Variants in RGS6 observed in about 807,000 individuals in gnomAD.
The protein encoded by RGS6 is regulator of G protein signaling 6.
RGS6 carries 30 observed loss-of-function variants against 78.5 expected under a neutral mutation model. The ratio of observed to expected loss-of-function variants is 0.38; its 90% CI spans 0.29 to 0.52. RGS6 has a LOEUF of 0.52. Ranked by LOEUF, RGS6 falls within the 20% of genes least tolerant of loss-of-function variation. RGS6 has a pLI of 0.85. For missense variants in RGS6, 495 were observed against 609.7 expected (o/e 0.81, Z 1.98); for synonymous variants, 206 against 206.0 (o/e 1.00, Z 0.00).
chr14:72,431,300 G>C (rs2094622939), intron 3 of RGS6, among the ~76,000 whole-genome samples: 2 of 152,168 alleles, frequency 1.3e-5, no homozygotes, highest in South Asian at 4.1e-4. Context: ...TCCTATACTT[G>C]ATGAGATAGG....
intron 1 of RGS6, among the ~76,000 whole-genome samples, chr14:71,950,233 C>T (rs714974): frequency 0.15 from 22,116 of 152,114 alleles, 1,750 homozygotes; most frequent in Non-Finnish European, 0.16. Flanking sequence ...AAAACAGACA[C>T]ATAGACCAAT....
intron 2 of RGS6, among the ~76,000 whole-genome samples, chr14:72,279,671 G>A (rs1203286475): frequency 6.6e-6 from 1 of 152,154 alleles, no homozygotes; most frequent in Admixed American, 6.5e-5. Flanking sequence ...ATCTAGAAAG[G>A]GATCTCTGTT....
rs559213994 is a variant in RGS6, at chr14:72,449,449, C to T, written c.185-5079C>T. On this transcript the variant is annotated intron_variant, in intron 3 of 17. Coordinates refer to ENST00000553525, the MANE Select transcript of RGS6 (RefSeq NM_001204424.2). Reference sequence around the variant, plus strand: ...GAGTGTTTTATACTAGGATCTCCTGCGGTTCTGATGCGTTAATGGGAGGAA... The same window carrying T: ...GAGTGTTTTATACTAGGATCTCCTGTGGTTCTGATGCGTTAATGGGAGGAA... Among the ~76,000 whole-genome samples the T allele has an allele frequency of 2.4e-4, 37 of 152,238 alleles. No homozygotes were observed. The South Asian group carries it at 7.1e-3, about 29-fold the overall frequency.
At chr14:72,465,217 C>T (rs937431713) in intron 6 of RGS6, among the ~76,000 whole-genome samples, 4 of 152,288 alleles carry the variant, frequency 2.6e-5, no homozygotes, top group African/African-American at 9.6e-5. Flanking sequence ...ATTTGCCATC[C>T]TAACGAGCCC....
At chr14:72,119,709 C>T (rs923375931) in intron 2 of RGS6, among the ~76,000 whole-genome samples, 6 of 152,114 alleles carry the variant, frequency 3.9e-5, no homozygotes, top group African/African-American at 1.4e-4. Context: ...GATGGACTGC[C>T]TTGGTTCTCA....
chr14:71,932,060 C>A (rs989735702), upstream of RGS6, among the ~76,000 whole-genome samples: 2 of 152,242 alleles, frequency 1.3e-5, no homozygotes, highest in Non-Finnish European at 2.9e-5. Context: ...CCTAAGAGAA[C>A]CTTGACGCCG....
intron 3 of RGS6, among the ~76,000 whole-genome samples, chr14:72,364,165 A>C (rs1444957012): frequency 6.6e-6 from 1 of 152,106 alleles, no homozygotes; most frequent in African/African-American, 2.4e-5. Flanking sequence ...GCTAGTGTCT[A>C]TTGTTTAGCA....
At chr14:71,916,917 A>T in the RGS6 span, among the ~76,000 whole-genome samples, 3 of 152,226 alleles carry the variant, frequency 2.0e-5, no homozygotes, top group African/African-American at 4.8e-5. Flanking sequence ...TTCCTAGGTG[A>T]GGACCATATG....
intron 2 of RGS6, among the ~76,000 whole-genome samples, chr14:71,968,396 G>A (rs1438554110): frequency 5.9e-5 from 9 of 152,164 alleles, no homozygotes; most frequent in African/African-American, 1.7e-4. Context: ...CATAGTATGT[G>A]TTGCAAAGTA....
At chr14:72,432,194 G>T (rs2094679109) in intron 3 of RGS6, among the ~76,000 whole-genome samples, 17 of 152,184 alleles carry the variant, frequency 1.1e-4, no homozygotes, top group Admixed American at 1.1e-3. Context: ...GGGTTATAAG[G>T]GACAGGAGTC....
intron 2 of RGS6, among the ~76,000 whole-genome samples, chr14:72,163,777 G>A (rs1169423779): frequency 3.3e-5 from 5 of 152,026 alleles, no homozygotes. Context: ...CAACTACTCA[G>A]GAGGCTGAGG....
chr14:72,271,874 C>G (rs773061984), intron 2 of RGS6, among the ~76,000 whole-genome samples: 1 of 151,108 alleles, frequency 6.6e-6, no homozygotes, highest in Non-Finnish European at 1.5e-5. Flanking sequence ...CCCTTCCCTT[C>G]TTCAAAGCCA....
At chr14:72,120,809 C>G (rs1020275672) in intron 2 of RGS6, among the ~76,000 whole-genome samples, 5 of 152,114 alleles carry the variant, frequency 3.3e-5, no homozygotes, top group Admixed American at 6.6e-5. Context: ...AGAACTGATT[C>G]AAAAGGAGCA....
the RGS6 span, among the ~76,000 whole-genome samples, chr14:71,871,971 G>A: frequency 6.6e-6 from 1 of 152,020 alleles, no homozygotes; most frequent in South Asian, 2.1e-4. Context: ...TGTGTATGGG[G>A]GTGGAGGGGG....
chr14:72,497,921 TG>T (rs1321547246), intron 13 of RGS6, among the ~76,000 whole-genome samples: 1 of 152,144 alleles, frequency 6.6e-6, no homozygotes, highest in Admixed American at 6.5e-5. Context: ...GCCTCTGGGA[TG>T]GAGTTGCTAC....
chr14:72,171,987 C>G (rs1266935225), intron 2 of RGS6, among the ~76,000 whole-genome samples: 3 of 152,138 alleles, frequency 2.0e-5, no homozygotes, highest in Non-Finnish European at 4.4e-5. Flanking sequence ...CCTGCAGGGT[C>G]GATGAGCTTG....
At chr14:72,221,989 A>G (rs1448456735) in intron 2 of RGS6, among the ~76,000 whole-genome samples, 2 of 152,244 alleles carry the variant, frequency 1.3e-5, no homozygotes, top group Non-Finnish European at 2.9e-5. Context: ...TGAATATGTC[A>G]TTAAAATTTA....
At chr14:71,993,040 G>A (rs2095034719) in intron 2 of RGS6, among the ~76,000 whole-genome samples, 2 of 152,140 alleles carry the variant, frequency 1.3e-5, no homozygotes, top group South Asian at 4.1e-4. Flanking sequence ...TATGAACATA[G>A]CCTTTTACTT....
chr14:72,595,733 A>G, the RGS6 span, among the ~76,000 whole-genome samples: 1 of 152,230 alleles, frequency 6.6e-6, no homozygotes, highest in Admixed American at 6.5e-5. Context: ...TGCCTTCTTT[A>G]AAGGTTACTC....
Sources: allele counts gnomAD v4.1 joint callset (sites outside exome capture counted in the v4.1 genomes callset), GRCh38; gene constraint gnomAD v4.1.1; transcripts MANE v1.5; gene names NCBI Gene and HGNC (gene_info 2026-07-23, HGNC 2026-07-21).